The following PSD3 variants were observed in gnomAD, a reference collection of about 807,000 sequenced individuals.
The protein encoded by PSD3 is PH and SEC7 domain-containing protein 3.
A neutral mutation model predicts 105.5 loss-of-function variants in PSD3; 49 were observed. The observed-to-expected ratio is 0.46, with a 90% CI of 0.37 to 0.59. PSD3 has a LOEUF of 0.59. PSD3 is among the 20% of genes least tolerant of loss of function. The pLI is 0.00. For missense variants in PSD3, 1,561 were observed against 1,263.8 expected (o/e 1.24, Z -3.57); for synonymous variants, 557 against 457.8 (o/e 1.22, Z -2.77).
chr8:18,727,248 A>T (rs1446890536), intron 9 of PSD3, among the ~76,000 whole-genome samples: 1 of 150,130 alleles, frequency 6.7e-6, no homozygotes, highest in Non-Finnish European at 1.5e-5. Context: ...GAGGCAGGAG[A>T]ATCGATTGAA....
At position 18,531,246 on chromosome 8, in the gene PSD3, T is replaced by A. The variant is rs1799619752; in HGVS notation, c.*4497A>T. The A allele has an allele frequency of 6.5e-6, 1 of 152,690 alleles. No individual in the cohort carries two copies. Among genetic ancestry groups the A allele is most frequent in the Non-Finnish European group, 1.5e-5 (1 of 68,050 alleles). 9.5% of individuals were successfully genotyped at this position (152,690 alleles called of 1,614,324 possible). On this transcript the variant is annotated 3_prime_UTR_variant, in exon 16 of 16. Coordinates refer to ENST00000327040, the MANE Select transcript of PSD3 (RefSeq NM_015310.4). ...TGTAACTTGCAAAATTTTCCTGCTGTTGCATTCAAGTCAAACTGTCATGCA... is the reference window on the plus strand; with the variant it reads ...TGTAACTTGCAAAATTTTCCTGCTGATGCATTCAAGTCAAACTGTCATGCA...
intron 4 of PSD3, among the ~76,000 whole-genome samples, chr8:18,845,735 G>C (rs1034937839): frequency 9.2e-5 from 14 of 152,112 alleles, no homozygotes; most frequent in Non-Finnish European, 1.9e-4. Context: ...CCGGTCGTTG[G>C]AGACCAGCCA....
intron 4 of PSD3, among the ~76,000 whole-genome samples, chr8:18,845,284 C>A (rs751873220): frequency 6.6e-6 from 1 of 152,266 alleles, no homozygotes; most frequent in East Asian, 1.9e-4. Flanking sequence ...GCGAGAGGAA[C>A]GGCTGTCATC....
chr8:18,724,449 C>G lies in PSD3; in HGVS notation c.2172+41000G>C, dbSNP rs138714142. The stretch of plus-strand genomic sequence containing the variant: ...CAACATAGCGAGACCCCCATCTCAA[C>G]AGAAAATAAAACATGAGCTGTGTGG... On this transcript the variant is annotated intron_variant, in intron 9 of 15. Coordinates refer to ENST00000327040, the MANE Select transcript of PSD3 (RefSeq NM_015310.4). 1.5e-3 allele frequency among the ~76,000 whole-genome samples: 235 copies of G among 151,760 alleles called. 2 individuals are homozygous for G. In the East Asian group the frequency reaches 0.036, roughly 23 times the overall value.
At chr8:18,732,775 T>C (rs959489001) in intron 9 of PSD3, 3 of 152,096 alleles carry the variant, frequency 2.0e-5, no homozygotes, top group African/African-American at 7.2e-5. Context: ...TGGAACAACA[T>C]GTTCGTGCAG....
intron 1 of PSD3, among the ~76,000 whole-genome samples, chr8:18,971,632 G>A (rs1824657878): frequency 6.6e-6 from 1 of 152,120 alleles, no homozygotes; most frequent in Admixed American, 6.6e-5. Flanking sequence ...AAAAGGAAGG[G>A]GACCTGGCAC....
At chr8:18,556,058 G>C (rs2130141641) in intron 15 of PSD3, 151 bp downstream of exon 15, 1 of 804,686 alleles carries the variant, frequency 1.2e-6, no homozygotes, top group East Asian at 2.6e-5. Context: ...CAAACAAGAG[G>C]GGCCACCATG....
chr8:18,715,380 A>G (rs1802518504), intron 9 of PSD3, among the ~76,000 whole-genome samples: 1 of 152,250 alleles, frequency 6.6e-6, no homozygotes, highest in African/African-American at 2.4e-5. Context: ...AGCAGATCTA[A>G]GAAACATATT....
At chr8:19,018,536 C>G (rs994274089), upstream of PSD3, among the ~76,000 whole-genome samples, 5 of 152,004 alleles carry the variant, frequency 3.3e-5, no homozygotes, top group Admixed American at 6.6e-5. Context: ...GAGAAATGTT[C>G]CAATAGTCAA....
At chr8:18,582,857 G>T (rs556944448) in intron 12 of PSD3, among the ~76,000 whole-genome samples, 11 of 138,708 alleles carry the variant, frequency 7.9e-5, no homozygotes, top group Non-Finnish European at 1.1e-4. Context: ...ACAGAGTCTC[G>T]CTCTGTCACC....
chr8:18,865,838 T>C (rs1397309288), intron 4 of PSD3, among the ~76,000 whole-genome samples: 1 of 152,200 alleles, frequency 6.6e-6, no homozygotes, highest in African/African-American at 2.4e-5. Context: ...ACTGTCTAAA[T>C]ATGAGATGCT....
intron 1 of PSD3, among the ~76,000 whole-genome samples, chr8:18,987,210 G>A (rs544134763): frequency 7.9e-5 from 12 of 151,448 alleles, no homozygotes; most frequent in Admixed American, 4.6e-4. Context: ...ATTTTTTGAG[G>A]TTTAGCTTAA....
intron 1 of PSD3, among the ~76,000 whole-genome samples, chr8:18,938,052 G>T (rs1465955716): frequency 6.6e-6 from 1 of 152,194 alleles, no homozygotes; most frequent in Non-Finnish European, 1.5e-5. Context: ...TCAAGGAAAG[G>T]ACGGAGCATT....
At chr8:18,817,432 C>T (rs561957317) in intron 4 of PSD3, among the ~76,000 whole-genome samples, 2 of 152,182 alleles carry the variant, frequency 1.3e-5, no homozygotes, top group Admixed American at 1.3e-4. Flanking sequence ...GCACTGTGCC[C>T]CGAGGGCTAG....
chr8:18,836,781 G>C (rs918453931), intron 4 of PSD3, among the ~76,000 whole-genome samples: 6 of 151,884 alleles, frequency 4.0e-5, no homozygotes, highest in Non-Finnish European at 5.9e-5. Context: ...GCCTTGTTTA[G>C]GAAATAATGA....
chr8:18,780,546 C>CTATT (rs1422730556), intron 8 of PSD3, among the ~76,000 whole-genome samples: 1 of 151,506 alleles, frequency 6.6e-6, no homozygotes, highest in Non-Finnish European at 1.5e-5. Context: ...CTTGCCTCCT[C>CTATT]TATTTATTTA....
At chr8:18,668,861 T>C (rs17644609) in intron 9 of PSD3, among the ~76,000 whole-genome samples, 15,494 of 152,256 alleles carry the variant, frequency 0.1, 1,276 homozygotes, top group African/African-American at 0.2. Context: ...AAGTTAAAAG[T>C]AAACAATGCT....
At chr8:18,755,951 C>T (rs1000842551) in intron 9 of PSD3, among the ~76,000 whole-genome samples, 1 of 152,108 alleles carries the variant, frequency 6.6e-6, no homozygotes, top group African/African-American at 2.4e-5. Context: ...AGGGCAGAAG[C>T]GGAAACACGC....
chr8:18,538,052 TATGAGG>T (rs1323417614), intron 15 of PSD3, among the ~76,000 whole-genome samples: 1 of 152,006 alleles, frequency 6.6e-6, no homozygotes, highest in African/African-American at 2.4e-5. Context: ...GGGCAGTAGG[TATGAGG>T]AAATAGGACA....
Sources: allele counts gnomAD v4.1 joint callset (sites outside exome capture counted in the v4.1 genomes callset), GRCh38; gene constraint gnomAD v4.1.1; transcripts MANE v1.5; gene names NCBI Gene and HGNC (gene_info 2026-07-23, HGNC 2026-07-21).